C12orf54: variants seen among roughly 807,000 people sequenced by gnomAD.
C12orf54 encodes chromosome 12 open reading frame 54, also known as uncharacterized protein C12orf54.
Under a neutral mutation model 26.4 loss-of-function variants are expected in C12orf54, and 24 were observed. The ratio of observed to expected loss-of-function variants is 0.91; its 90% CI spans 0.66 to 1.28. C12orf54 has a LOEUF of 1.28. C12orf54 is among the 50% of genes most tolerant of loss of function. The pLI is 0.00. For synonymous variants in C12orf54, 54 were observed against 47.0 expected (o/e 1.15, Z -0.61); for missense variants, 154 against 150.9 (o/e 1.02, Z -0.11).
At chr12:48,426,897 T>C in the C12orf54 span, among the ~76,000 whole-genome samples, 1 of 152,092 alleles carries the variant, frequency 6.6e-6, no homozygotes, top group African/African-American at 2.4e-5. Context: ...TGTTGGTGTA[T>C]AGGAATGTTA....
At chr12:48,482,672 AG>A (rs1565569765) in intron 1 of C12orf54, 96 bp downstream of exon 1, 1 of 152,182 alleles carries the variant, frequency 6.6e-6, no homozygotes, top group Non-Finnish European at 1.5e-5. Context: ...TTCTCAAAGG[AG>A]GATTTGTCTC....
chr12:48,476,388 C>A, the C12orf54 span, among the ~76,000 whole-genome samples: 1 of 152,146 alleles, frequency 6.6e-6, no homozygotes. Context: ...CAAATTCACA[C>A]ATAACAATAT....
the C12orf54 span, among the ~76,000 whole-genome samples, chr12:48,435,787 C>A: frequency 8.5e-5 from 13 of 152,266 alleles, no homozygotes; most frequent in African/African-American, 2.4e-4. Flanking sequence ...ACAACCAGTA[C>A]CAGTGACTGC....
the C12orf54 span, among the ~76,000 whole-genome samples, chr12:48,432,800 T>C: frequency 6.7e-6 from 1 of 149,360 alleles, no homozygotes; most frequent in South Asian, 2.1e-4. Context: ...ACTCAGGAGG[T>C]GGAGGTTGCA....
At chr12:48,434,645 C>A in the C12orf54 span, among the ~76,000 whole-genome samples, 3 of 152,320 alleles carry the variant, frequency 2.0e-5, no homozygotes, top group South Asian at 4.1e-4. Flanking sequence ...GATACCCAGG[C>A]AAACAGGGTC....
chr12:48,433,660 G>T, the C12orf54 span, among the ~76,000 whole-genome samples: 1 of 152,136 alleles, frequency 6.6e-6, no homozygotes, highest in African/African-American at 2.4e-5. Context: ...TGTTAGCCAG[G>T]ATGGTCTTGA....
the C12orf54 span, among the ~76,000 whole-genome samples, chr12:48,417,887 A>G: frequency 3.3e-5 from 5 of 152,182 alleles, no homozygotes; most frequent in South Asian, 4.1e-4. Flanking sequence ...CTCCAGTTGC[A>G]TCCGTGTTAC....
At chr12:48,431,290 T>C in the C12orf54 span, among the ~76,000 whole-genome samples, 1 of 152,076 alleles carries the variant, frequency 6.6e-6, no homozygotes, top group Non-Finnish European at 1.5e-5. Flanking sequence ...CAATAACCTA[T>C]GGAAAAATAA....
the C12orf54 span, among the ~76,000 whole-genome samples, chr12:48,454,351 G>A: frequency 1.1e-4 from 17 of 152,016 alleles, no homozygotes; most frequent in Non-Finnish European, 1.6e-4. Context: ...TGCCCACCTC[G>A]GCCTCCCAAA....
chr12:48,490,120 C>T (rs1937754811), intron 5 of C12orf54, among the ~76,000 whole-genome samples: 1 of 152,154 alleles, frequency 6.6e-6, no homozygotes, highest in Non-Finnish European at 1.5e-5. Context: ...CCAGAAAAGA[C>T]ATAGCAGAGG....
the C12orf54 span, among the ~76,000 whole-genome samples, chr12:48,462,194 A>G: frequency 8.6e-6 from 1 of 116,694 alleles, no homozygotes. Flanking sequence ...AGCTCACTCA[A>G]GAAGAAATAG....
chr12:48,452,233 G>A, the C12orf54 span, among the ~76,000 whole-genome samples: 1 of 152,048 alleles, frequency 6.6e-6, no homozygotes, highest in Non-Finnish European at 1.5e-5. Flanking sequence ...AAGCAATGGG[G>A]AAAGGATTTC....
At chr12:48,419,541 A>G in the C12orf54 span, among the ~76,000 whole-genome samples, 1 of 152,198 alleles carries the variant, frequency 6.6e-6, no homozygotes, top group Non-Finnish European at 1.5e-5. Context: ...AGATCGGAAT[A>G]TGTTAGTGAA....
chr12:48,461,975 T>C, the C12orf54 span, among the ~76,000 whole-genome samples: 21,920 of 151,448 alleles, frequency 0.14, 2,796 homozygotes, highest in East Asian at 0.66. Context: ...AATCTCTAAT[T>C]AGACTGATCA....
At chr12:48,493,933 A>T (rs1340477663) in intron 7 of C12orf54, among the ~76,000 whole-genome samples, 1 of 151,232 alleles carries the variant, frequency 6.6e-6, no homozygotes, top group African/African-American at 2.4e-5. Flanking sequence ...TAAAAAAAAA[A>T]TTAGGCCAGG....
At chr12:48,418,092 G>A in the C12orf54 span, among the ~76,000 whole-genome samples, 275 of 152,342 alleles carry the variant, frequency 1.8e-3, no homozygotes, top group African/African-American at 6.1e-3. Flanking sequence ...TGCAGCAGCA[G>A]AGGGGCTGAT....
At chr12:48,472,900 G>C in the C12orf54 span, 1 of 1,614,104 alleles carries the variant, frequency 6.2e-7, no homozygotes, top group Admixed American at 1.7e-5. Flanking sequence ...GCCTCAGTGG[G>C]CCTAGAAGTA....
the C12orf54 span, chr12:48,472,672 T>C: frequency 1.3e-5 from 21 of 1,613,960 alleles, no homozygotes; most frequent in East Asian, 1.1e-4. Flanking sequence ...GAGATGGAGA[T>C]GGGCAAATGG....
At chr12:48,449,993 G>T in the C12orf54 span, among the ~76,000 whole-genome samples, 10 of 152,288 alleles carry the variant, frequency 6.6e-5, no homozygotes, top group African/African-American at 2.2e-4. Context: ...CCGCTGTCAT[G>T]TAAGAAGCAC....
Sources: gnomAD v4.1 joint callset for allele counts (sites outside exome capture counted in the v4.1 genomes callset) on GRCh38, gnomAD v4.1.1 for gene constraint, MANE v1.5 for transcripts, NCBI Gene and HGNC (gene_info 2026-07-23, HGNC 2026-07-21) for gene names.